Variants in PCDH15 observed in about 807,000 individuals in gnomAD.
The protein encoded by PCDH15 is protocadherin related 15, also known as protocadherin-15.
PCDH15 carries 129 observed loss-of-function variants against 178.5 expected under a neutral mutation model. The observed-to-expected ratio is 0.72, with a 90% CI of 0.63 to 0.84. The LOEUF (loss-of-function observed/expected upper bound fraction) is 0.84, where lower values mean the gene tolerates loss of function less well. Among genes scored for constraint, PCDH15 ranks in the 40% least tolerant of loss-of-function variants. The probability of loss-of-function intolerance (pLI) is 0.00; values close to 1 mark genes in which losing one functional copy is unlikely to be tolerated. For missense variants in PCDH15, 2,230 were observed against 2,099.9 expected, an observed-to-expected ratio of 1.06 and a Z score of -1.21; for synonymous variants, 800 against 732.0, an observed-to-expected ratio of 1.09 and a Z score of -1.50.
At chr10:54,689,926 G>C (rs147066282) in intron 1 of PCDH15, among the ~76,000 whole-genome samples, 1 of 152,280 alleles carries the variant, frequency 6.6e-6, no homozygotes, top group Admixed American at 6.5e-5. Flanking sequence ...GTTCTTGAAG[G>C]AATGAGAGGT....
chr10:54,361,218 T>C (rs556841138), intron 5 of PCDH15, among the ~76,000 whole-genome samples: 1 of 152,248 alleles, frequency 6.6e-6, no homozygotes, highest in South Asian at 2.1e-4. Context: ...TTTCCATCTA[T>C]GCTTAGTTGA....
At chr10:53,939,979 A>C (rs1243620857) in intron 24 of PCDH15, among the ~76,000 whole-genome samples, 2 of 152,114 alleles carry the variant, frequency 1.3e-5, no homozygotes, top group South Asian at 2.1e-4. Context: ...ATGTAGAAAG[A>C]AAGGCAATAA....
At chr10:55,050,411 A>T (rs2131987073) in intron 2 of PCDH15, among the ~76,000 whole-genome samples, 1 of 152,158 alleles carries the variant, frequency 6.6e-6, no homozygotes, top group South Asian at 2.1e-4. Context: ...TCTCTATGAT[A>T]AATTTAGGTA....
At chr10:54,491,740 T>G (rs1056286195) in intron 3 of PCDH15, among the ~76,000 whole-genome samples, 2 of 152,174 alleles carry the variant, frequency 1.3e-5, no homozygotes, top group African/African-American at 4.8e-5. Flanking sequence ...TCTGTAAAAA[T>G]CAAAGTGAAA....
At chr10:54,364,725 TCA>T (rs1182809668) in intron 5 of PCDH15, among the ~76,000 whole-genome samples, 3 of 152,168 alleles carry the variant, frequency 2.0e-5, no homozygotes, top group African/African-American at 7.2e-5. Flanking sequence ...TAATTTACTC[TCA>T]CACAGTTTGG....
intron 2 of PCDH15, among the ~76,000 whole-genome samples, chr10:55,497,366 G>A (rs1019835396): frequency 4.0e-5 from 6 of 151,562 alleles, no homozygotes; most frequent in African/African-American, 1.5e-4. Context: ...TTGAGCATAA[G>A]CAATCCTCTT....
At chr10:54,684,692 CA>C (rs1565937123) in intron 1 of PCDH15, among the ~76,000 whole-genome samples, 2 of 152,018 alleles carry the variant, frequency 1.3e-5, no homozygotes, top group African/African-American at 4.8e-5. Context: ...TAATTTAGAT[CA>C]ATACCATGTG....
intron 2 of PCDH15, among the ~76,000 whole-genome samples, chr10:55,591,668 G>T (rs868795927): frequency 7.9e-5 from 12 of 152,080 alleles, no homozygotes; most frequent in African/African-American, 2.2e-4. Flanking sequence ...ATCAGGGGAG[G>T]AGTAAGGAGG....
intron 8 of PCDH15, among the ~76,000 whole-genome samples, chr10:54,311,208 T>C (rs916114930): frequency 1.3e-5 from 2 of 152,040 alleles, no homozygotes; most frequent in Admixed American, 6.6e-5. Context: ...GCAACTGATG[T>C]TGAAATACTG....
intron 2 of PCDH15, among the ~76,000 whole-genome samples, chr10:55,345,888 T>C (rs1844741796): frequency 6.6e-6 from 1 of 152,094 alleles, no homozygotes; most frequent in Non-Finnish European, 1.5e-5. Flanking sequence ...GATAAATAGT[T>C]TATAATGGTG....
At chr10:54,633,916 T>C (rs1426180314) in intron 2 of PCDH15, among the ~76,000 whole-genome samples, 1 of 152,118 alleles carries the variant, frequency 6.6e-6, no homozygotes, top group Non-Finnish European at 1.5e-5. Flanking sequence ...ACAGCATGGT[T>C]GTACACAAAT....
At chr10:55,300,018 T>C (rs775119075) in intron 1 of PCDH15, among the ~76,000 whole-genome samples, 15 of 152,196 alleles carry the variant, frequency 9.9e-5, no homozygotes, top group Non-Finnish European at 1.8e-4. Flanking sequence ...CAATTTCATA[T>C]TAATAAATGC....
chr10:54,349,817 G>T (rs888994210), intron 5 of PCDH15, among the ~76,000 whole-genome samples: 1 of 152,076 alleles, frequency 6.6e-6, no homozygotes, highest in African/African-American at 2.4e-5. Flanking sequence ...TTTGCTTATG[G>T]TTTCAATTTT....
intron 2 of PCDH15, among the ~76,000 whole-genome samples, chr10:54,949,998 C>A (rs1838295965): frequency 6.6e-6 from 1 of 152,018 alleles, no homozygotes. Context: ...TCTGAGCCCT[C>A]CAAACTGTTC....
rs1455326982 is a variant in PCDH15 at position 55,531,460 on chromosome 10, A to T, written c.-156+96165T>A. The stretch of plus-strand genomic sequence containing the variant: ...AAGAGCTATTTACCAATGTGTGAAT[A>T]CCATCTTGAAAAATAAATAAGAATC... On this transcript the variant is annotated intron_variant, in intron 2 of 5. Coordinates refer to the PCDH15 transcript ENST00000613346. 2.0e-5 allele frequency among the ~76,000 whole-genome samples: 3 copies of T among 152,016 alleles called. No individual in the cohort carries two copies. In the South Asian group the frequency reaches 6.2e-4, roughly 31 times the overall value.
At chr10:54,825,636 A>G (rs1272891412) in intron 3 of PCDH15, among the ~76,000 whole-genome samples, 5 of 150,386 alleles carry the variant, frequency 3.3e-5, no homozygotes, top group Admixed American at 2.0e-4. Flanking sequence ...GATGGTGAGC[A>G]TTTTTTCATG....
intron 36 of PCDH15, 91 bp downstream of exon 36, chr10:53,811,458 A>G: frequency 1.2e-6 from 1 of 802,406 alleles, no homozygotes; most frequent in Admixed American, 3.3e-5. Context: ...ATGACATTAA[A>G]AACAAATTCT....
chr10:54,895,010 G>C (rs1017434539), intron 3 of PCDH15, among the ~76,000 whole-genome samples: 1 of 152,114 alleles, frequency 6.6e-6, no homozygotes, highest in African/African-American at 2.4e-5. Context: ...TCATCACTCT[G>C]ACAGCAGAAT....
chr10:54,271,201 T>C lies in PCDH15; in HGVS notation c.877-34270A>G, dbSNP rs192989959. 2.5e-4 allele frequency among the ~76,000 whole-genome samples: 38 copies of C among 151,298 alleles called. No homozygotes were observed. In the East Asian group the frequency reaches 6.6e-3, roughly 26 times the overall value. On this transcript the variant is annotated intron_variant, in intron 8 of 37. Coordinates refer to ENST00000644397, the MANE Select transcript of PCDH15 (RefSeq NM_001384140.1). ...TTATATTTCTTTCACATAATTATGT[T>C]CTTACATTTTGTTTGTTTGTTTGTT...
Sources: gnomAD v4.1 joint callset for allele counts (sites outside exome capture counted in the v4.1 genomes callset) on GRCh38, gnomAD v4.1.1 for gene constraint, MANE v1.5 for transcripts, NCBI Gene and HGNC (gene_info 2026-07-23, HGNC 2026-07-21) for gene names.